The following RERE variants were observed in gnomAD, a reference collection of about 807,000 sequenced individuals.
RERE encodes arginine-glutamic acid dipeptide repeats.
Under a neutral mutation model 146.1 loss-of-function variants are expected in RERE, and 40 were observed. That is an observed-to-expected ratio of 0.27 (90% CI 0.21 to 0.36). The LOEUF (loss-of-function observed/expected upper bound fraction) is 0.36. Among genes scored for constraint, RERE ranks in the 10% least tolerant of loss-of-function variants. The probability of loss-of-function intolerance (pLI) is 1.00; values close to 1 mark genes in which losing one functional copy is unlikely to be tolerated. For synonymous variants in RERE, 1,003 were observed against 866.0 expected (o/e 1.16, Z -2.78); for missense variants, 1,933 against 2,138.7 (o/e 0.90, Z 1.90).
intron 1 of RERE, among the ~76,000 whole-genome samples, chr1:8,668,172 C>A (rs1362670626): frequency 6.6e-6 from 1 of 152,198 alleles, no homozygotes; most frequent in Non-Finnish European, 1.5e-5. Context: ...CCATAAAACA[C>A]CATTACGAAA....
In RERE at chr1:8,360,992, G is replaced by A. The variant is rs926080246; in HGVS notation, c.2515C>T (p.Pro839Ser). The change falls in exon 18 of 23, where the codon CCC (proline) becomes TCC (serine). Residue 839 changes from proline to serine, a missense_variant. Physicochemically the swap from Pro to Ser is moderately conservative, Grantham distance 74. This residue lies in a region of RERE where 1,255 missense variants were observed against 1,153.8 expected (regional missense o/e 1.09). Coordinates refer to ENST00000400908, the MANE Select transcript of RERE (RefSeq NM_001042681.2). ...TGCAGTGGGGGCTGGGCATGAGAGG[G>A]TGCAGAAGGCTGGCCCGCCGACCCA... is the stretch of plus-strand genomic sequence containing the variant. The part of the protein sequence containing the change: ...LTGSAGQPSA[P>S]SHAQPPLHGQ... The A allele has an allele frequency of 3.5e-6, 5 of 1,439,878 alleles. No homozygotes were observed. The Admixed American group carries it at 1.4e-4, about 41-fold the overall frequency. 89.2% of individuals were successfully genotyped at this position (1,439,878 alleles called of 1,614,324 possible).
intron 7 of RERE, among the ~76,000 whole-genome samples, chr1:8,535,163 C>T (rs1415975043): frequency 6.6e-6 from 1 of 152,132 alleles, no homozygotes; most frequent in Non-Finnish European, 1.5e-5. Context: ...AAAATAATAA[C>T]AATAACGCAA....
intron 1 of RERE, among the ~76,000 whole-genome samples, chr1:8,810,987 A>G (rs939029302): frequency 6.6e-6 from 1 of 152,238 alleles, no homozygotes; most frequent in African/African-American, 2.4e-5. Context: ...ACCACCTAAA[A>G]AAAGGATCAT....
intron 1 of RERE, chr1:8,792,722 T>G (rs1641384707): frequency 1.3e-5 from 2 of 152,294 alleles, no homozygotes; most frequent in Non-Finnish European, 2.9e-5. Flanking sequence ...CAAACTCCTC[T>G]CTCTTTGGTG....
chr1:8,632,790 C>A (rs1220321716), intron 2 of RERE, among the ~76,000 whole-genome samples: 1 of 152,188 alleles, frequency 6.6e-6, no homozygotes, highest in Non-Finnish European at 1.5e-5. Flanking sequence ...ATTTAATATT[C>A]TTTCCCATTC....
chr1:8,750,594 A>ATTCCTTGTGC (rs1557520315), intron 1 of RERE: 1 of 1,004,780 alleles, frequency 1.0e-6, no homozygotes, highest in East Asian at 2.4e-5. Context: ...AAAGCAAAGC[A>ATTCCTTGTGC]CTATCACAAG....
At chr1:8,518,351 C>T (rs1004752338) in intron 7 of RERE, among the ~76,000 whole-genome samples, 1 of 152,184 alleles carries the variant, frequency 6.6e-6, no homozygotes, top group Non-Finnish European at 1.5e-5. Flanking sequence ...AAGTCAGACC[C>T]TTGTTCTGTG....
At chr1:8,788,162 T>C (rs145195191) in intron 1 of RERE, among the ~76,000 whole-genome samples, 2,572 of 151,972 alleles carry the variant, frequency 0.017, 28 homozygotes, top group Middle Eastern at 0.048. Flanking sequence ...TAGTACTAGA[T>C]AGAGTACAAA....
At chr1:8,529,956 T>C (rs1557674386) in intron 7 of RERE, among the ~76,000 whole-genome samples, 1 of 152,148 alleles carries the variant, frequency 6.6e-6, no homozygotes, top group Admixed American at 6.5e-5. Flanking sequence ...GAGAGGGGCC[T>C]TGTTTTCTCT....
intron 7 of RERE, chr1:8,525,799 CTGG>C: frequency 6.3e-7 from 1 of 1,595,188 alleles, no homozygotes; most frequent in Non-Finnish European, 8.5e-7. Context: ...AACACGGGCT[CTGG>C]TGAGTCTAGC....
At chr1:8,731,250 T>C (rs1025251217) in intron 1 of RERE, among the ~76,000 whole-genome samples, 2 of 152,184 alleles carry the variant, frequency 1.3e-5, no homozygotes, top group African/African-American at 4.8e-5. Flanking sequence ...TCCAGGAGCC[T>C]GAACAGGTTC....
chr1:8,510,374 AG>A (rs1303484469), intron 7 of RERE, among the ~76,000 whole-genome samples: 1 of 152,182 alleles, frequency 6.6e-6, no homozygotes, highest in Non-Finnish European at 1.5e-5. Context: ...CAGAGGTGGC[AG>A]GCTGAAAGGG....
At position 8,498,732 on chromosome 1, in the gene RERE, TACACACACACACAC is replaced by T. The variant is rs1553175300; in HGVS notation, c.880-1217_880-1204del. Among the ~76,000 whole-genome samples the T allele has an allele frequency of 6.5e-5, 7 of 107,836 alleles. No homozygotes were observed. The East Asian group carries it at 1.3e-3, about 21-fold the overall frequency. The allele number at this position is 107,836 out of a possible 152,430, so 70.7% of individuals were successfully genotyped here. A position where few individuals can be genotyped will look rare whatever the true frequency, so the allele number is the denominator to read the frequency against. ...AAATAAAAAAAAAAAAATAAATATA[TACACACACACACAC>T]ACACACACACACACACACACACATA... On this transcript the variant is annotated intron_variant, in intron 8 of 22. Transcript: ENST00000400908.
intron 1 of RERE, among the ~76,000 whole-genome samples, chr1:8,772,012 T>C (rs1640962925): frequency 6.6e-6 from 1 of 151,898 alleles, no homozygotes; most frequent in African/African-American, 2.4e-5. Context: ...ACATATAAAA[T>C]TTTGTATGTA....
At chr1:8,687,052 A>C (rs558705971) in intron 1 of RERE, among the ~76,000 whole-genome samples, 1 of 152,346 alleles carries the variant, frequency 6.6e-6, no homozygotes, top group African/African-American at 2.4e-5. Flanking sequence ...GTTTTTCTGC[A>C]AAGGAAGCAG....
chr1:8,779,585 C>A (rs539499817), intron 1 of RERE, among the ~76,000 whole-genome samples: 7 of 152,104 alleles, frequency 4.6e-5, no homozygotes, highest in African/African-American at 1.4e-4. Flanking sequence ...ATTGCTTGAA[C>A]CTGGGAGGCG....
chr1:8,555,720 C>G (rs1645999436), intron 6 of RERE, among the ~76,000 whole-genome samples: 1 of 152,156 alleles, frequency 6.6e-6, no homozygotes, highest in Non-Finnish European at 1.5e-5. Flanking sequence ...CAGCCATACA[C>G]ACACAAAATG....
intron 4 of RERE, among the ~76,000 whole-genome samples, chr1:8,601,762 C>T (rs867965366): frequency 6.6e-6 from 1 of 151,464 alleles, no homozygotes; most frequent in African/African-American, 2.4e-5. Flanking sequence ...CACACACACA[C>T]ACACACACAC....
In RERE at chr1:8,668,924, CTGTGTGTGTGTGTG is replaced by C. The variant is rs58718828; in HGVS notation, c.-144-12497_-144-12484del. On this transcript the variant is annotated intron_variant, in intron 1 of 22. Coordinates refer to ENST00000400908, the MANE Select transcript of RERE (RefSeq NM_001042681.2). ...TGAATATTCTAAAATGCACTAAACT[CTGTGTGTGTGTGTG>C]TGTGTGTGTGTGTGTGTGTGTGTGT... 7.2e-3 allele frequency among the ~76,000 whole-genome samples: 601 copies of C among 83,536 alleles called. 27 individuals are homozygous for C. Among genetic ancestry groups the C allele is most frequent in the African/African-American group, 0.024 (569 of 23,514 alleles). 54.8% of individuals were successfully genotyped at this position (83,536 alleles called of 152,430 possible). A position where few individuals can be genotyped will look rare whatever the true frequency, so the allele number is the denominator to read the frequency against.
Sources: allele counts gnomAD v4.1 joint callset (sites outside exome capture counted in the v4.1 genomes callset), GRCh38; gene constraint gnomAD v4.1.1; regional missense constraint gnomAD v4.1.1; transcripts MANE v1.5; gene names NCBI Gene and HGNC (gene_info 2026-07-23, HGNC 2026-07-21).